SLC2A9: variants seen among roughly 807,000 people sequenced by gnomAD.
SLC2A9 encodes the protein solute carrier family 2, facilitated glucose transporter member 9.
A neutral mutation model predicts 50.6 loss-of-function variants in SLC2A9; 39 were observed. That is an observed-to-expected ratio of 0.77 (90% CI 0.60 to 1.01). The LOEUF is 1.01. Among genes scored for constraint, SLC2A9 ranks in the 50% least tolerant of loss-of-function variants. SLC2A9 has a pLI of 0.00. For missense variants in SLC2A9, 686 were observed against 677.6 expected (o/e 1.01, Z -0.14); for synonymous variants, 324 against 276.9 (o/e 1.17, Z -1.69).
At chr4:10,025,867 A>C, upstream of SLC2A9, 1 of 1,601,470 alleles carries the variant, frequency 6.2e-7, no homozygotes, top group South Asian at 1.1e-5. Context: ...TGACCGGAAT[A>C]ATCATGTAAG....
At chr4:9,859,280 A>G (rs181420478) in intron 10 of SLC2A9, among the ~76,000 whole-genome samples, 90 of 152,172 alleles carry the variant, frequency 5.9e-4, no homozygotes, top group Non-Finnish European at 1.1e-3. Context: ...AGCCAGGTCT[A>G]TTGGGCTGTC....
At chr4:10,025,523 C>T (rs1055819513), upstream of SLC2A9, among the ~76,000 whole-genome samples, 1 of 152,128 alleles carries the variant, frequency 6.6e-6, no homozygotes, top group Admixed American at 6.5e-5. Context: ...CTGAGGACTT[C>T]CTGGAGGAAG....
intron 10 of SLC2A9, chr4:9,879,516 C>G: frequency 3.0e-6 from 3 of 985,292 alleles, no homozygotes; most frequent in Non-Finnish European, 3.6e-6. Flanking sequence ...CACATAGGTT[C>G]TGTCAAATGC....
upstream of SLC2A9, among the ~76,000 whole-genome samples, chr4:10,023,063 G>A (rs1763616382): frequency 6.6e-6 from 1 of 152,324 alleles, no homozygotes; most frequent in Non-Finnish European, 1.5e-5. Context: ...ATTATAACAT[G>A]ACCTAAAAAG....
chr4:9,798,348 G>A (rs558922631), downstream of SLC2A9, among the ~76,000 whole-genome samples: 11 of 152,282 alleles, frequency 7.2e-5, no homozygotes, highest in African/African-American at 9.6e-5. Flanking sequence ...TGGCACCTTC[G>A]CAATCAGTCT....
At chr4:9,904,636 T>C (rs907034182) in intron 8 of SLC2A9, among the ~76,000 whole-genome samples, 13 of 152,212 alleles carry the variant, frequency 8.5e-5, no homozygotes, top group African/African-American at 2.2e-4. Context: ...CAGGTGGGAA[T>C]GGTTATGTCC....
chr4:9,926,218 A>G (rs1295041024), intron 6 of SLC2A9, among the ~76,000 whole-genome samples: 5 of 151,226 alleles, frequency 3.3e-5, no homozygotes, highest in Non-Finnish European at 7.4e-5. Flanking sequence ...TGGGCTTCAC[A>G]TTGTCTCAGG....
intron 5 of SLC2A9, among the ~76,000 whole-genome samples, chr4:9,959,382 C>T (rs933074652): frequency 1.3e-4 from 17 of 135,282 alleles, no homozygotes; most frequent in African/African-American, 2.1e-4. Flanking sequence ...CGGAGATACA[C>T]GAAACTCTGT....
intron 10 of SLC2A9, among the ~76,000 whole-genome samples, chr4:9,840,735 T>A (rs1401962265): frequency 6.6e-6 from 1 of 152,196 alleles, no homozygotes; most frequent in African/African-American, 2.4e-5. Context: ...TTAACTATGA[T>A]GTTTTTGGTT....
intron 5 of SLC2A9, among the ~76,000 whole-genome samples, chr4:9,977,504 C>T (rs1026341981): frequency 2.6e-5 from 4 of 151,926 alleles, no homozygotes; most frequent in Non-Finnish European, 5.9e-5. Flanking sequence ...GTGGCCCTCT[C>T]TGCTGCCTGC....
intron 2 of SLC2A9, among the ~76,000 whole-genome samples, chr4:10,011,132 C>T (rs1185573990): frequency 6.6e-6 from 1 of 152,192 alleles, no homozygotes. Context: ...AGTCTGGGCT[C>T]CATACTGTCG....
intron 10 of SLC2A9, among the ~76,000 whole-genome samples, chr4:9,845,199 G>C (rs1158096552): frequency 1.3e-5 from 2 of 151,812 alleles, no homozygotes; most frequent in Non-Finnish European, 2.9e-5. Flanking sequence ...ATTTTTAGTA[G>C]AGATGGGGTT....
intron 5 of SLC2A9, among the ~76,000 whole-genome samples, chr4:9,942,303 C>G (rs751932238): frequency 2.0e-5 from 3 of 152,200 alleles, no homozygotes; most frequent in African/African-American, 2.4e-5. Context: ...GAAAAGCAGG[C>G]GGCTCTGGTT....
rs564129021 is a variant in SLC2A9, at chr4:9,960,362, C to T, written c.682-18317G>A. Among the ~76,000 whole-genome samples, 4 of 152,296 alleles carry T rather than the reference C, an allele frequency of 2.6e-5. No homozygotes were observed. The East Asian group carries it at 5.8e-4, about 22-fold the overall frequency. ...TATACAAGTAAGTTAATACAAAATG[C>T]TGCCTAACTCTCCCCATCAAATACC... On this transcript the variant is annotated intron_variant, in intron 5 of 11. Coordinates refer to ENST00000264784, the MANE Select transcript of SLC2A9 (RefSeq NM_020041.3).
At chr4:9,867,529 T>G (rs561719335) in intron 10 of SLC2A9, among the ~76,000 whole-genome samples, 2 of 152,246 alleles carry the variant, frequency 1.3e-5, no homozygotes, top group East Asian at 1.9e-4. Flanking sequence ...TGATGATGAT[T>G]ATTTTGACAT....
At chr4:10,026,086 TC>T, upstream of SLC2A9, 1 of 1,030,054 alleles carries the variant, frequency 9.7e-7, no homozygotes, top group Non-Finnish European at 1.5e-6. Context: ...CCTGGAGCAG[TC>T]TTCGAAAGGT....
At chr4:9,902,661 T>C (rs2109922010) in intron 8 of SLC2A9, among the ~76,000 whole-genome samples, 1 of 152,334 alleles carries the variant, frequency 6.6e-6, no homozygotes, top group African/African-American at 2.4e-5. Context: ...GTGTTTTGGC[T>C]TTCAGCAGCA....
At chr4:9,814,526 A>G (rs1003732420) in intron 3 of SLC2A9, among the ~76,000 whole-genome samples, 1 of 152,234 alleles carries the variant, frequency 6.6e-6, no homozygotes, top group Non-Finnish European at 1.5e-5. Flanking sequence ...GCTTAAAGCA[A>G]CAATAATTTA....
At chr4:10,028,396 G>C (rs1474440129) in intron 1 of SLC2A9, among the ~76,000 whole-genome samples, 6 of 152,198 alleles carry the variant, frequency 3.9e-5, no homozygotes, top group Non-Finnish European at 5.9e-5. Flanking sequence ...CTCCTCGTTT[G>C]ATTTAAGAAG....
Sources: gnomAD v4.1 joint callset for allele counts (sites outside exome capture counted in the v4.1 genomes callset) on GRCh38, gnomAD v4.1.1 for gene constraint, MANE v1.5 for transcripts, NCBI Gene and HGNC (gene_info 2026-07-23, HGNC 2026-07-21) for gene names.